Variants in LPCAT3 observed in about 807,000 individuals in gnomAD.
The protein encoded by LPCAT3 is lysophospholipid acyltransferase 5.
A neutral mutation model predicts 63.4 loss-of-function variants in LPCAT3; 21 were observed. The ratio of observed to expected loss-of-function variants is 0.33; its 90% CI spans 0.23 to 0.48. The LOEUF (loss-of-function observed/expected upper bound fraction) is 0.48, where lower values mean the gene tolerates loss of function less well. Among genes scored for constraint, LPCAT3 ranks in the 20% least tolerant of loss-of-function variants. The pLI is 0.99. For missense variants in LPCAT3, 451 were observed against 590.6 expected (o/e 0.76, Z 2.45); for synonymous variants, 242 against 227.5 (o/e 1.06, Z -0.58).
intron 1 of LPCAT3, among the ~76,000 whole-genome samples, chr12:6,999,582 G>A (rs11064482): frequency 2.0e-5 from 3 of 152,298 alleles, no homozygotes; most frequent in East Asian, 1.9e-4. Flanking sequence ...ATACACACCC[G>A]TTGGCTGACT....
At chr12:7,011,372 G>GC (rs1284967338) in intron 1 of LPCAT3, among the ~76,000 whole-genome samples, 1 of 152,148 alleles carries the variant, frequency 6.6e-6, no homozygotes, top group African/African-American at 2.4e-5. Context: ...TTGGCCAGGG[G>GC]CAATGGCTTA....
intron 1 of LPCAT3, chr12:7,001,315 T>G (rs1946685682): frequency 2.5e-6 from 1 of 404,452 alleles, no homozygotes; most frequent in Non-Finnish European, 4.9e-6. Flanking sequence ...AGAAGATATT[T>G]TTGTATTCTT....
At chr12:7,011,718 A>G (rs183806170) in intron 1 of LPCAT3, among the ~76,000 whole-genome samples, 101 of 152,204 alleles carry the variant, frequency 6.6e-4, no homozygotes, top group African/African-American at 2.2e-3. Context: ...ATTATGATGA[A>G]ATTTGTGGCT....
chr12:6,984,099 A>G (rs1334133196), intron 1 of LPCAT3, among the ~76,000 whole-genome samples: 1 of 152,246 alleles, frequency 6.6e-6, no homozygotes, highest in African/African-American at 2.4e-5. Flanking sequence ...ATATAAATTA[A>G]TATCAGGCTA....
intron 1 of LPCAT3, among the ~76,000 whole-genome samples, chr12:7,008,807 G>A (rs782746201): frequency 6.6e-6 from 1 of 151,800 alleles, no homozygotes; most frequent in Non-Finnish European, 1.5e-5. Context: ...TCAAAAGTGT[G>A]AAACAGATGG....
chr12:6,976,859 G>A lies in LPCAT3; in HGVS notation c.*45C>T, dbSNP rs1591710050. 1 of 303,908 alleles carries A rather than the reference G, an allele frequency of 3.3e-6. No homozygotes were observed. The highest frequency in any genetic ancestry group is 6.3e-6 in the Non-Finnish European group (1 of 159,550). The allele number at this position is 303,908 out of a possible 1,614,324, so 18.8% of individuals were successfully genotyped here. On this transcript the variant is annotated 3_prime_UTR_variant, in exon 13 of 13. Coordinates refer to ENST00000261407, the MANE Select transcript of LPCAT3 (RefSeq NM_005768.6). ...AAAGGAGTGCTGTGAAAAGGGAGAC[G>A]AGTAGTTTCTGCACCAGTCCCGCAC...
chr12:7,018,460 C>CCG lies in LPCAT3; in HGVS notation c.-38_-37dup. The CCG allele has an allele frequency of 1.3e-6, 2 of 1,533,986 alleles. No homozygotes were observed. The highest frequency in any genetic ancestry group is 1.8e-6 in the Non-Finnish European group (2 of 1,134,966). ...GGAGCCCCACAGGGACCCCCCAGCT[C>CCG]CGCGCGCCCCGAATGCGGGCAAAAC... On this transcript the variant is annotated 5_prime_UTR_variant, in exon 1 of 13. Transcript: ENST00000261407. This position sits in a 1 kb window ranked among gnomAD's most constrained non-coding sequence, Gnocchi z 4.9.
rs782409227 is a variant in LPCAT3 at position 6,978,488 on chromosome 12, G to A, written c.893C>T (p.Thr298Met). The A allele has an allele frequency of 1.5e-5, 24 of 1,613,282 alleles. No individual in the cohort carries two copies. Among genetic ancestry groups the A allele is most frequent in the East Asian group, 2.2e-5 (1 of 44,892 alleles). ...TTCAAAGCCATTGAAGCCCAGGCCC[G>A]TCAAAATGCATACTCCTTCCTGAGA... ...WLVTEGVCIL[T>M]GLGFNGFEEK... is the part of the protein sequence containing the mutation. Residue 298 changes from threonine (T) to methionine (M), a missense_variant, in exon 9 of 13, where the codon ACG (threonine) becomes ATG (methionine). Physicochemically the swap from Thr to Met is moderately conservative, Grantham distance 81 (BLOSUM62 -1). This residue lies in a region of LPCAT3 where 304 missense variants were observed against 390.8 expected (regional missense o/e 0.78). Transcript: ENST00000261407.
At chr12:6,983,995 A>G (rs1462298062) in intron 1 of LPCAT3, among the ~76,000 whole-genome samples, 1 of 152,190 alleles carries the variant, frequency 6.6e-6, no homozygotes, top group Admixed American at 6.5e-5. Flanking sequence ...AACAAGATAC[A>G]AAGATTTGAG....
chr12:6,995,406 G>A (rs147612087), intron 1 of LPCAT3, among the ~76,000 whole-genome samples: 3 of 151,900 alleles, frequency 2.0e-5, no homozygotes, highest in Non-Finnish European at 2.9e-5. Flanking sequence ...CCCAGGAGGC[G>A]GAGGTTGCAG....
intron 1 of LPCAT3, among the ~76,000 whole-genome samples, chr12:6,986,228 A>C (rs1946524708): frequency 6.6e-6 from 1 of 152,172 alleles, no homozygotes; most frequent in Non-Finnish European, 1.5e-5. Flanking sequence ...CTGAGATGGC[A>C]ACCCTTTCTC....
Position 7,018,362 on chromosome 12 carries a change from C to A in LPCAT3, c.63G>T (p.Ser21=). The A allele has an allele frequency of 6.2e-7, 1 of 1,612,382 alleles. No homozygotes were observed. The highest frequency in any genetic ancestry group is 8.5e-7 in the Non-Finnish European group (1 of 1,179,364). The change falls in exon 1 of 13, where the codon TCG becomes TCT. Residue 21 remains serine (S), a synonymous_variant. Transcript: ENST00000261407. The surrounding 1 kb of genome is among the most constrained non-coding windows in gnomAD (Gnocchi z 4.9). ...TGTTAAGGCTCAGCTCCTGGAAACC[C>A]GACTGCAGAACCCCCGCCAGCGCCA... is the stretch of plus-strand genomic sequence containing the variant. ...TVVALAGVLQ[S]GFQELSLNKL...
rs372779694 is a variant in LPCAT3, at chr12:6,978,348, C to T, written c.1033G>A (p.Val345Met). 2 of 1,608,808 alleles carry T rather than the reference C, an allele frequency of 1.2e-6. No homozygotes were observed. The highest frequency in any genetic ancestry group is 1.7e-6 in the Non-Finnish European group (2 of 1,177,126). The change falls in exon 9 of 13, where the codon GTG becomes ATG. Residue 345 changes from valine (V) to methionine (M), a missense_variant. Coordinates refer to ENST00000261407, the MANE Select transcript of LPCAT3 (RefSeq NM_005768.6). ...ASFNINTNAW[V>M]ARYIFKRLKF... ...TCCCCACCAGCAGCTCACCGGGCCA[C>T]CCAGGCGTTGGTGTTGATGTTGAAT...
intron 1 of LPCAT3, among the ~76,000 whole-genome samples, chr12:6,991,313 T>G (rs782700659): frequency 1.3e-5 from 2 of 152,386 alleles, no homozygotes; most frequent in Non-Finnish European, 2.9e-5. Context: ...TGACAAGTAG[T>G]AGTTTCTTAA....
In LPCAT3 at chr12:6,987,035, C is replaced by A. The variant is rs922250819; in HGVS notation, c.152-3496G>T. On this transcript the variant is annotated intron_variant, in intron 1 of 12. Transcript: ENST00000261407. The surrounding 1 kb of genome is among the most constrained non-coding windows in gnomAD (Gnocchi z 4.1). The stretch of plus-strand genomic sequence containing the variant: ...AGCTGAGGCAGGAGAATTGCTTGAA[C>A]CCAGGAGGCGGAGGTGGCAGTGAGC... Among the ~76,000 whole-genome samples the A allele has an allele frequency of 2.0e-5, 3 of 152,004 alleles. No homozygotes were observed. The highest frequency in any genetic ancestry group is 2.0e-4 in the Admixed American group (3 of 15,252).
In LPCAT3 at chr12:6,976,885, A is replaced by G. The variant is rs1374133337; in HGVS notation, c.*19T>C. On this transcript the variant is annotated 3_prime_UTR_variant, in exon 13 of 13. Transcript: ENST00000261407. ...AGTAGTTTCTGCACCAGTCCCGCAC[A>G]GGCCACCTGCAAGACAAGAGGAGTT... 6.8e-6 allele frequency: 3 copies of G among 439,702 alleles called. No individual in the cohort carries two copies. The highest frequency in any genetic ancestry group is 1.3e-5 in the Non-Finnish European group (3 of 236,972). 27.2% of individuals were successfully genotyped at this position (439,702 alleles called of 1,614,324 possible). A position where few individuals can be genotyped will look rare whatever the true frequency, so the allele number is the denominator to read the frequency against.
intron 1 of LPCAT3, among the ~76,000 whole-genome samples, chr12:7,006,135 T>G (rs1340172434): frequency 4.6e-5 from 7 of 152,344 alleles, no homozygotes; most frequent in African/African-American, 1.7e-4. Context: ...AGGATCTTAA[T>G]GTACTTAGTG....
At chr12:6,989,318 T>G (rs1364768613) in intron 1 of LPCAT3, among the ~76,000 whole-genome samples, 4 of 150,176 alleles carry the variant, frequency 2.7e-5, no homozygotes, top group Non-Finnish European at 5.9e-5. Flanking sequence ...TGCGTGTTTT[T>G]TTTTTTTTTT....
chr12:7,000,945 G>A (rs1721809876), intron 1 of LPCAT3, among the ~76,000 whole-genome samples: 1 of 152,084 alleles, frequency 6.6e-6, no homozygotes, highest in Non-Finnish European at 1.5e-5. Flanking sequence ...CTGACCTCGT[G>A]ATCTGCCCGC....
Sources: gnomAD v4.1 joint callset for allele counts (sites outside exome capture counted in the v4.1 genomes callset) on GRCh38, gnomAD v4.1.1 for gene constraint, gnomAD v4.1.1 regional missense constraint, Gnocchi (gnomAD v3.1) non-coding constraint, MANE v1.5 for transcripts, NCBI Gene and HGNC (gene_info 2026-07-23, HGNC 2026-07-21) for gene names.